MDN1: variants seen among roughly 807,000 people sequenced by gnomAD.
MDN1 encodes the protein midasin.
Under a neutral mutation model 669.2 loss-of-function variants are expected in MDN1, and 266 were observed. That is an observed-to-expected ratio of 0.40 (90% CI 0.36 to 0.44). The LOEUF is 0.44. MDN1 is among the 20% of genes least tolerant of loss of function. The pLI, the probability that MDN1 is intolerant of heterozygous loss-of-function variation, is 1.00. For synonymous variants in MDN1, 2,385 were observed against 2,457.1 expected (o/e 0.97, Z 0.87); for missense variants, 5,940 against 6,754.0 (o/e 0.88, Z 4.22).
At chr6:89,756,694 C>T (rs111838430) in intron 19 of MDN1, among the ~76,000 whole-genome samples, 11 of 151,996 alleles carry the variant, frequency 7.2e-5, no homozygotes, top group Non-Finnish European at 1.2e-4. Flanking sequence ...AGGCCGAGGC[C>T]GGTGGATCAC....
chr6:89,729,247 A>C, intron 35 of MDN1, 108 bp from the exon 36 acceptor site: 1 of 807,110 alleles, frequency 1.2e-6, no homozygotes, highest in Non-Finnish European at 1.9e-6. Flanking sequence ...CAGTTAGTGA[A>C]ATACCATTTG....
rs144521062 is a variant in MDN1, at chr6:89,648,779, T to C, written c.16207-450A>G. Among the ~76,000 whole-genome samples the C allele has an allele frequency of 2.1e-4, 28 of 136,480 alleles. No homozygotes were observed. The South Asian group carries it at 2.1e-3, about 10-fold the overall frequency. 89.5% of individuals were successfully genotyped at this position (136,480 alleles called of 152,430 possible). A position where few individuals can be genotyped will look rare whatever the true frequency, so the allele number is the denominator to read the frequency against. On this transcript the variant is annotated intron_variant, in intron 97 of 101. Coordinates refer to ENST00000369393, the MANE Select transcript of MDN1 (RefSeq NM_014611.3). ...AAAGTTGAGGCTACAGTGAGCCACC[T>C]GGGCAACAGAGTGAAACCCTGTAAC...
rs1184396636 is a variant in MDN1 at position 89,700,253 on chromosome 6, T to C, written c.8680A>G (p.Lys2894Glu). ...AAACCAAGTGAGAGTCCTTTGGCTT[T>C]CAGTTCTAAACACTGAGCATGCACA... ...NFVHAQCLEL[K>E]AKGLSLGFLE... Residue 2894 changes from lysine (K) to glutamate (E), a missense_variant, in exon 57 of 102, where the codon AAA becomes GAA. Lys to Glu is a moderately conservative substitution (Grantham distance 56). Around this residue, in one of 5 missense-constraint regions of MDN1, gnomAD observed 2,292 missense variants for 2,638.3 expected, o/e 0.87. Coordinates refer to ENST00000369393, the MANE Select transcript of MDN1 (RefSeq NM_014611.3). The C allele has an allele frequency of 6.2e-7, 1 of 1,614,112 alleles. No homozygotes were observed. The highest frequency in any genetic ancestry group is 8.5e-7 in the Non-Finnish European group (1 of 1,180,036).
rs1562071215 is a variant in MDN1, at chr6:89,675,446, C to T, written c.12761+18G>A. The T allele has an allele frequency of 1.1e-5, 18 of 1,605,018 alleles. No individual in the cohort carries two copies. Among genetic ancestry groups the T allele is most frequent in the Non-Finnish European group, 1.4e-5 (17 of 1,174,032 alleles). On this transcript the variant is annotated intron_variant, in intron 78 of 101. Transcript: ENST00000369393. ...TTCTTCCCAATTCATGCCACAAGCCCAACTCATCAGCTGATACCTGAGGAT... is the reference window on the plus strand; with the variant it reads ...TTCTTCCCAATTCATGCCACAAGCCTAACTCATCAGCTGATACCTGAGGAT...
rs186673211 is a variant in MDN1, at chr6:89,723,498, G to A, written c.5778+14C>T. 5.5e-5 allele frequency: 78 copies of A among 1,426,122 alleles called. No individual in the cohort carries two copies. The highest frequency in any genetic ancestry group is 7.2e-5 in the Non-Finnish European group (74 of 1,026,006). 88.3% of individuals were successfully genotyped at this position (1,426,122 alleles called of 1,614,324 possible). A position where few individuals can be genotyped will look rare whatever the true frequency, so the allele number is the denominator to read the frequency against. On this transcript the variant is annotated intron_variant, in intron 39 of 101. Coordinates refer to ENST00000369393, the MANE Select transcript of MDN1 (RefSeq NM_014611.3). ...GCCAGAAAAAAAAAGAAACCAATAC[G>A]TGTAGGTACTTACTTGGTTATTGAA...
intron 78 of MDN1, 38 bp downstream of exon 78, chr6:89,675,426 C>T: frequency 1.3e-6 from 2 of 1,557,072 alleles, no homozygotes; most frequent in Non-Finnish European, 1.8e-6. Context: ...TCTAATTCTT[C>T]CCAATTCATG....
intron 33 of MDN1, among the ~76,000 whole-genome samples, chr6:89,734,691 A>ACGAGAGAGAGAGAGAGAGAGAG (rs370691129): frequency 3.5e-5 from 4 of 112,988 alleles, no homozygotes; most frequent in South Asian, 5.8e-4. Context: ...AAAAAAAAAC[A>ACGAGAGAGAGAGAGAGAGAGAG]AGAGAGAGAG....
chr6:89,758,776 G>C (rs761114229), intron 18 of MDN1, 40 bp downstream of exon 18: 1 of 1,610,656 alleles, frequency 6.2e-7, no homozygotes, highest in South Asian at 1.1e-5. Flanking sequence ...TGGCCACAGG[G>C]CTTGACACCA....
At chr6:89,738,523 A>C in intron 32 of MDN1, 68 bp from the exon 33 acceptor site, 1 of 1,568,818 alleles carries the variant, frequency 6.4e-7, no homozygotes, top group South Asian at 1.1e-5. Context: ...ACAAGTCTTG[A>C]AAGAATGTTG....
intron 88 of MDN1, among the ~76,000 whole-genome samples, chr6:89,660,254 T>C (rs907818950): frequency 1.3e-5 from 2 of 152,290 alleles, no homozygotes; most frequent in Non-Finnish European, 2.9e-5. Flanking sequence ...GGCGAGATCA[T>C]GGCCTACTGC....
chr6:89,716,904 G>T lies in MDN1; in HGVS notation c.6584-95C>A, dbSNP rs1377509117. The T allele has an allele frequency of 4.6e-6, 6 of 1,300,434 alleles. No individual in the cohort carries two copies. The African/African-American group carries it at 7.6e-5, about 16-fold the overall frequency. 80.6% of individuals were successfully genotyped at this position (1,300,434 alleles called of 1,614,324 possible). On this transcript the variant is annotated intron_variant, in intron 43 of 101. Coordinates refer to ENST00000369393, the MANE Select transcript of MDN1 (RefSeq NM_014611.3). ...AGGAAGCTTGATACTTCTAGCCAAG[G>T]TTTTTAAGATTTCATAAAAGAATAA...
chr6:89,770,518 A>T (rs978326128), intron 15 of MDN1, among the ~76,000 whole-genome samples: 2 of 152,168 alleles, frequency 1.3e-5, no homozygotes, highest in African/African-American at 4.8e-5. Flanking sequence ...ACAACCAACT[A>T]AACATAAGTA....
Position 89,692,818 on chromosome 6 carries a change from T to C in MDN1, c.10212A>G (p.Ile3404Met). The C allele has an allele frequency of 6.2e-7, 1 of 1,614,168 alleles. No homozygotes were observed. Among genetic ancestry groups the C allele is most frequent in the South Asian group, 1.1e-5 (1 of 91,090 alleles). The part of the protein sequence containing the change: ...PDAVSPLQAS[I>M]LQLQHGMRLV... ...GCCTCATGCCATGTTGTAACTGCAA[T>C]ATGGATGCCTGCAGTGGGCTCACGG... Residue 3404 changes from isoleucine (I) to methionine (M), a missense_variant, in exon 63 of 102, where the codon ATA (isoleucine) becomes ATG (methionine). Physicochemically the swap from Ile to Met is conservative, Grantham distance 10. Coordinates refer to ENST00000369393, the MANE Select transcript of MDN1 (RefSeq NM_014611.3).
intron 101 of MDN1, 133 bp downstream of exon 101, chr6:89,644,882 G>A: frequency 3.2e-6 from 3 of 951,850 alleles, no homozygotes; most frequent in Non-Finnish European, 4.6e-6. Flanking sequence ...GCCTACAATG[G>A]TACTTGACAG....
rs1248372903 is a variant in MDN1 at position 89,750,401 on chromosome 6, A to G, written c.3359T>C (p.Ile1120Thr). The G allele has an allele frequency of 6.2e-7, 1 of 1,613,782 alleles. No homozygotes were observed. The part of the protein sequence containing the change: ...NHEHTDIQEY[I>T]GCYTSDSSGK... Reference sequence around the variant, plus strand: ...TGAGGAGTCAGACGTGTAACAACCAATGTACTCCTGAATATCCGTGTGTTC... The same window carrying G: ...TGAGGAGTCAGACGTGTAACAACCAGTGTACTCCTGAATATCCGTGTGTTC... The change falls in exon 24 of 102, where the codon ATT (isoleucine) becomes ACT (threonine). Residue 1120 changes from isoleucine (I) to threonine (T), a missense_variant. By Grantham distance (89) the Ile-to-Thr change is moderately conservative. This residue lies in a region of MDN1 where 2,292 missense variants were observed against 2,638.3 expected (regional missense o/e 0.87). Transcript: ENST00000369393.
rs572184918 is a variant in MDN1, at chr6:89,714,017, C to G, written c.7069+526G>C. Among the ~76,000 whole-genome samples, 299 of 145,052 alleles carry G rather than the reference C, an allele frequency of 2.1e-3. 1 individual carries two copies. The highest frequency in any genetic ancestry group is 7.5e-3 in the African/African-American group (294 of 39,028). ...TCACGCCACTGCAGTCCAGCCTGGGCGACAGAGTGAGACTCTGTCTCAAAA... is the reference window on the plus strand; with the variant it reads ...TCACGCCACTGCAGTCCAGCCTGGGGGACAGAGTGAGACTCTGTCTCAAAA... On this transcript the variant is annotated intron_variant, in intron 46 of 101. Transcript: ENST00000369393.
chr6:89,678,749 T>A lies in MDN1; in HGVS notation c.12266-4A>T, dbSNP rs949450992. On this transcript the variant is annotated splice_region_variant and splice_polypyrimidine_tract_variant and intron_variant, in intron 74 of 101. Transcript: ENST00000369393. ...CTCACAGAGGAAATCACTTCACCTG[T>A]AAGGGAAAACAAGGCGGGGAGGGGA... is the stretch of plus-strand genomic sequence containing the variant. 20 of 1,607,978 alleles carry A rather than the reference T, an allele frequency of 1.2e-5. No individual in the cohort carries two copies. In the African/African-American group the frequency reaches 2.5e-4, roughly 20 times the overall value.
chr6:89,666,485 T>C (rs1424241366), intron 84 of MDN1, among the ~76,000 whole-genome samples: 1 of 151,814 alleles, frequency 6.6e-6, no homozygotes, highest in African/African-American at 2.4e-5. Flanking sequence ...GGCTGGGTTT[T>C]GTTTTTTGTT....
chr6:89,751,458 C>G lies in MDN1; in HGVS notation c.3200G>C (p.Arg1067Thr). 1 of 1,614,170 alleles carries G rather than the reference C, an allele frequency of 6.2e-7. No individual in the cohort carries two copies. Among genetic ancestry groups the G allele is most frequent in the Non-Finnish European group, 8.5e-7 (1 of 1,180,028 alleles). ...TGCAGAGACAACTCGGACTATATCT[C>G]TCAGGTTCAGCTTCACAGAAGATGT... ...ILTSSVKLNL[R>T]DIVRVVSAGT... is the part of the protein sequence containing the mutation. The change falls in exon 23 of 102, where the codon AGA (arginine) becomes ACA (threonine). Residue 1067 changes from arginine (R) to threonine (T), a missense_variant. Arg to Thr is a moderately conservative substitution (Grantham distance 71). Transcript: ENST00000369393.
Sources: gnomAD v4.1 joint callset for allele counts (sites outside exome capture counted in the v4.1 genomes callset) on GRCh38, gnomAD v4.1.1 for gene constraint, gnomAD v4.1.1 regional missense constraint, MANE v1.5 for transcripts, NCBI Gene and HGNC (gene_info 2026-07-23, HGNC 2026-07-21) for gene names.